Variants in FHIT observed in about 807,000 individuals in gnomAD.
FHIT encodes the protein bis(5'-adenosyl)-triphosphatase.
Under a neutral mutation model 17.9 loss-of-function variants are expected in FHIT, and 19 were observed. That is an observed-to-expected ratio of 1.06 (90% CI 0.74 to 1.56). The LOEUF is 1.56. Among genes scored for constraint, FHIT ranks in the 40% most tolerant of loss-of-function variants. The probability of loss-of-function intolerance (pLI) is 0.00; values close to 1 mark genes in which losing one functional copy is unlikely to be tolerated. For missense variants in FHIT, 248 were observed against 189.2 expected, an observed-to-expected ratio of 1.31 and a Z score of -1.82; for synonymous variants, 81 against 69.7, an observed-to-expected ratio of 1.16 and a Z score of -0.81.
chr3:60,331,848 GA>G (rs34970290), intron 5 of FHIT, among the ~76,000 whole-genome samples: 100 of 140,928 alleles, frequency 7.1e-4, no homozygotes, highest in Middle Eastern at 3.6e-3. Flanking sequence ...CTCTGTCTCG[GA>G]AAAAAAAAAA....
intron 5 of FHIT, among the ~76,000 whole-genome samples, chr3:60,117,487 T>G (rs188618364): frequency 7.7e-6 from 1 of 129,740 alleles, no homozygotes; most frequent in East Asian, 2.7e-4. Flanking sequence ...GTCTATTACT[T>G]CCTATCTAAA....
intron 5 of FHIT, among the ~76,000 whole-genome samples, chr3:60,534,565 A>C (rs2035915000): frequency 6.6e-6 from 1 of 152,078 alleles, no homozygotes; most frequent in Admixed American, 6.6e-5. Context: ...TACACTGTCT[A>C]CTGGCCCTGA....
chr3:60,496,725 A>T (rs571107555), intron 5 of FHIT, among the ~76,000 whole-genome samples: 1 of 152,160 alleles, frequency 6.6e-6, no homozygotes, highest in South Asian at 2.1e-4. Context: ...AAAATTAGAA[A>T]CAACCTTTAA....
chr3:60,455,684 C>T (rs956825778), intron 5 of FHIT, among the ~76,000 whole-genome samples: 1 of 151,910 alleles, frequency 6.6e-6, no homozygotes, highest in Non-Finnish European at 1.5e-5. Flanking sequence ...ATGCAACCTA[C>T]ATGGGAAAAT....
chr3:61,154,811 C>T (rs2037489627), intron 2 of FHIT, among the ~76,000 whole-genome samples: 1 of 152,208 alleles, frequency 6.6e-6, no homozygotes, highest in Non-Finnish European at 1.5e-5. Flanking sequence ...TTTAATGATA[C>T]CACTGCCTCC....
chr3:60,367,409 G>A (rs1013260865), intron 5 of FHIT, among the ~76,000 whole-genome samples: 1 of 152,136 alleles, frequency 6.6e-6, no homozygotes, highest in African/African-American at 2.4e-5. Flanking sequence ...AGAATGCACT[G>A]TTTTTATTAA....
intron 2 of FHIT, among the ~76,000 whole-genome samples, chr3:61,078,896 T>C (rs752558347): frequency 6.6e-6 from 1 of 152,198 alleles, no homozygotes; most frequent in Non-Finnish European, 1.5e-5. Context: ...TATGAATCTG[T>C]GTTTTTTAAA....
At chr3:60,232,199 A>AT (rs1229587414) in intron 5 of FHIT, among the ~76,000 whole-genome samples, 1 of 152,108 alleles carries the variant, frequency 6.6e-6, no homozygotes, top group African/African-American at 2.4e-5. Context: ...CCTGCATCAT[A>AT]TTTCAAGTTG....
chr3:59,941,832 A>T (rs1338470560), intron 7 of FHIT, among the ~76,000 whole-genome samples: 1 of 152,136 alleles, frequency 6.6e-6, no homozygotes, highest in Non-Finnish European at 1.5e-5. Context: ...ATGAAGTAGG[A>T]TATAGTGTGT....
At chr3:61,036,910 T>TTTTG (rs1210156763) in intron 3 of FHIT, among the ~76,000 whole-genome samples, 2 of 130,874 alleles carry the variant, frequency 1.5e-5, no homozygotes, top group Non-Finnish European at 3.3e-5. Context: ...TGTTTTTTTT[T>TTTTG]TTTGTTTGTT....
At chr3:60,807,997 A>G (rs990270004) in intron 4 of FHIT, among the ~76,000 whole-genome samples, 1 of 152,256 alleles carries the variant, frequency 6.6e-6, no homozygotes, top group African/African-American at 2.4e-5. Flanking sequence ...AGTCCAATCC[A>G]AAGTGTGAAT....
At chr3:60,173,542 T>C (rs1291545126) in intron 5 of FHIT, among the ~76,000 whole-genome samples, 1 of 152,090 alleles carries the variant, frequency 6.6e-6, no homozygotes, top group African/African-American at 2.4e-5. Context: ...CTGCAACAGC[T>C]TGTCCTTAAA....
chr3:60,959,855 G>A (rs1351464187), intron 3 of FHIT, among the ~76,000 whole-genome samples: 1 of 150,100 alleles, frequency 6.7e-6, no homozygotes, highest in Non-Finnish European at 1.5e-5. Flanking sequence ...TGGTGAGCCT[G>A]AGGGCAATTT....
intron 3 of FHIT, among the ~76,000 whole-genome samples, chr3:60,986,449 A>G (rs1710723487): frequency 6.6e-6 from 1 of 152,194 alleles, no homozygotes; most frequent in African/African-American, 2.4e-5. Flanking sequence ...AGGAATAGGT[A>G]AACAGTCTGA....
At chr3:60,732,561 C>T (rs1412767622) in intron 4 of FHIT, 2 of 629,580 alleles carry the variant, frequency 3.2e-6, no homozygotes, top group Non-Finnish European at 6.2e-6. Context: ...ACCTCGTCTG[C>T]AAACAGCTCG....
At chr3:60,237,166 G>A (rs1411148092) in intron 5 of FHIT, among the ~76,000 whole-genome samples, 1 of 151,898 alleles carries the variant, frequency 6.6e-6, no homozygotes, top group Non-Finnish European at 1.5e-5. Flanking sequence ...GAATTACTAG[G>A]TTGAAGGGTA....
intron 3 of FHIT, among the ~76,000 whole-genome samples, chr3:60,916,108 A>G (rs1237945727): frequency 1.3e-5 from 2 of 152,184 alleles, no homozygotes; most frequent in Non-Finnish European, 2.9e-5. Context: ...TAATTTTATT[A>G]CAAAGATTAT....
intron 5 of FHIT, among the ~76,000 whole-genome samples, chr3:60,154,673 A>C (rs1238968566): frequency 1.3e-5 from 2 of 152,220 alleles, no homozygotes; most frequent in Admixed American, 6.5e-5. Context: ...AAATGGGTCC[A>C]ATGACATGAC....
At chr3:60,056,565 G>A (rs950000891) in intron 5 of FHIT, among the ~76,000 whole-genome samples, 2 of 152,192 alleles carry the variant, frequency 1.3e-5, no homozygotes, top group Non-Finnish European at 2.9e-5. Flanking sequence ...CATTACCCGG[G>A]AGGGTGTGTG....
Sources: gnomAD v4.1 joint callset for allele counts (sites outside exome capture counted in the v4.1 genomes callset) on GRCh38, gnomAD v4.1.1 for gene constraint, MANE v1.5 for transcripts, NCBI Gene and HGNC (gene_info 2026-07-23, HGNC 2026-07-21) for gene names.